Variants in RSPH14 observed in about 807,000 individuals in gnomAD.
RSPH14 encodes rhabdoid tumor deletion region gene 1.
In RSPH14, 20 loss-of-function variants were observed where a neutral mutation model predicts 26.7. The ratio of observed to expected loss-of-function variants is 0.75; its 90% CI spans 0.53 to 1.09. RSPH14 has a LOEUF of 1.09. Among genes scored for constraint, RSPH14 ranks in the 50% least tolerant of loss-of-function variants. RSPH14 has a pLI of 0.00. For synonymous variants in RSPH14, 177 were observed against 189.3 expected (o/e 0.93, Z 0.53); for missense variants, 449 against 457.2 (o/e 0.98, Z 0.16).
chr22:23,081,852 G>A lies in RSPH14; in HGVS notation c.422-17719C>T, dbSNP rs183316261. On this transcript the variant is annotated intron_variant, in intron 4 of 6. Transcript: ENST00000216036. ...AAAAAAAAAAAAAAAAAGGCCAGGCGCAGTGGCTCACGCCTGTAATCCCAG... is the reference window on the plus strand; with the variant it reads ...AAAAAAAAAAAAAAAAAGGCCAGGCACAGTGGCTCACGCCTGTAATCCCAG... Among the ~76,000 whole-genome samples the A allele has an allele frequency of 2.3e-3, 329 of 141,788 alleles. 6 individuals are homozygous for A. Among genetic ancestry groups the A allele is most frequent in the Admixed American group, 7.3e-3 (102 of 14,034 alleles). The allele number at this position is 141,788 out of a possible 152,430, so 93.0% of individuals were successfully genotyped here. A position where few individuals can be genotyped will look rare whatever the true frequency, so the allele number is the denominator to read the frequency against.
At chr22:23,088,328 C>T (rs2068871592) in intron 4 of RSPH14, among the ~76,000 whole-genome samples, 1 of 152,228 alleles carries the variant, frequency 6.6e-6, no homozygotes, top group Non-Finnish European at 1.5e-5. Flanking sequence ...GCCTTACCCA[C>T]TCTGCCCCAC....
At chr22:23,165,112 G>A in the RSPH14 span, among the ~76,000 whole-genome samples, 1 of 152,274 alleles carries the variant, frequency 6.6e-6, no homozygotes, top group Admixed American at 6.5e-5. Flanking sequence ...GGAACCCCAA[G>A]AGCCAGGACA....
At chr22:23,159,324 A>T in the RSPH14 span, 1 of 1,399,596 alleles carries the variant, frequency 7.1e-7, no homozygotes, top group Non-Finnish European at 9.7e-7. Flanking sequence ...GGGGCCTGCC[A>T]TGCAGTGTTT....
intron 4 of RSPH14, chr22:23,096,460 C>G: frequency 1.3e-6 from 2 of 1,558,766 alleles, no homozygotes; most frequent in Non-Finnish European, 1.7e-6. Context: ...TTCCTGCTGT[C>G]GTGGGTTCCT....
intron 4 of RSPH14, among the ~76,000 whole-genome samples, chr22:23,120,553 G>A (rs2069987466): frequency 6.6e-6 from 1 of 152,106 alleles, no homozygotes; most frequent in Non-Finnish European, 1.5e-5. Flanking sequence ...GCCTGCCCAG[G>A]AGGTGATGGG....
intron 4 of RSPH14, among the ~76,000 whole-genome samples, chr22:23,107,127 T>A (rs1211231195): frequency 6.6e-6 from 1 of 152,178 alleles, no homozygotes; most frequent in Non-Finnish European, 1.5e-5. Flanking sequence ...GCCCTTGCTG[T>A]TTGAGGTGCC....
At chr22:23,143,685 A>G (rs572576037), upstream of RSPH14, among the ~76,000 whole-genome samples, 1 of 152,338 alleles carries the variant, frequency 6.6e-6, no homozygotes, top group African/African-American at 2.4e-5. Flanking sequence ...TCACTCTGGT[A>G]AAGATCCCCA....
chr22:23,067,874 C>A (rs1198646974), intron 4 of RSPH14, among the ~76,000 whole-genome samples: 1 of 152,210 alleles, frequency 6.6e-6, no homozygotes, highest in Non-Finnish European at 1.5e-5. Context: ...GCCTCACAGA[C>A]TGACTTCTGT....
At chr22:23,116,657 G>C (rs778531004) in intron 4 of RSPH14, among the ~76,000 whole-genome samples, 2 of 152,204 alleles carry the variant, frequency 1.3e-5, no homozygotes, top group Admixed American at 6.5e-5. Flanking sequence ...AGGGTGTAAT[G>C]GACTGGAGGT....
chr22:23,159,710 G>A, the RSPH14 span, among the ~76,000 whole-genome samples: 2 of 152,160 alleles, frequency 1.3e-5, no homozygotes, highest in Non-Finnish European at 2.9e-5. Context: ...CCAGGCATGT[G>A]ACATCACCTG....
At chr22:23,066,476 G>A (rs977833998) in intron 4 of RSPH14, among the ~76,000 whole-genome samples, 1 of 152,184 alleles carries the variant, frequency 6.6e-6, no homozygotes, top group African/African-American at 2.4e-5. Context: ...TTGTTTCTCA[G>A]GCATTTGTCT....
the RSPH14 span, among the ~76,000 whole-genome samples, chr22:23,170,093 T>TA: frequency 0.4 from 54,456 of 136,732 alleles, 10,750 homozygotes; most frequent in East Asian, 0.61. Flanking sequence ...CAAGACCCTT[T>TA]AAAAAAAAAA....
chr22:23,157,887 G>GT, the RSPH14 span: 10 of 1,580,086 alleles, frequency 6.3e-6, no homozygotes, highest in Non-Finnish European at 8.6e-6. Context: ...GTGCCTGGTT[G>GT]GGGGGCTGCC....
chr22:23,158,963 C>T, the RSPH14 span: 50 of 1,614,060 alleles, frequency 3.1e-5, no homozygotes, highest in Non-Finnish European at 4.0e-5. Flanking sequence ...CTCGTGGGAA[C>T]CAAGAAGGAC....
chr22:23,123,851 G>A (rs1344331689), intron 4 of RSPH14: 1 of 224,272 alleles, frequency 4.5e-6, no homozygotes, highest in Non-Finnish European at 8.9e-6. Context: ...GTCGCCTGGA[G>A]GAGGGCCAGC....
At chr22:23,107,092 G>A (rs1446352121) in intron 4 of RSPH14, among the ~76,000 whole-genome samples, 6 of 152,238 alleles carry the variant, frequency 3.9e-5, no homozygotes, top group Admixed American at 6.5e-5. Flanking sequence ...GGGCTTTAGC[G>A]GCAGCCTGTT....
At chr22:23,086,486 T>C (rs2068824078) in intron 4 of RSPH14, among the ~76,000 whole-genome samples, 1 of 152,184 alleles carries the variant, frequency 6.6e-6, no homozygotes, top group Non-Finnish European at 1.5e-5. Flanking sequence ...TGGACCTAGG[T>C]TCCCTGGGCA....
At chr22:23,159,083 G>A in the RSPH14 span, 1 of 1,585,500 alleles carries the variant, frequency 6.3e-7, no homozygotes, top group East Asian at 2.3e-5. Context: ...AGCACAGTGG[G>A]AAGCAGGCAG....
upstream of RSPH14, among the ~76,000 whole-genome samples, chr22:23,149,471 A>G (rs1286797690): frequency 3.3e-5 from 5 of 152,172 alleles, no homozygotes. Context: ...GACAGCAGAA[A>G]GCGCCTCCTA....
Sources: allele counts gnomAD v4.1 joint callset (sites outside exome capture counted in the v4.1 genomes callset), GRCh38; gene constraint gnomAD v4.1.1; transcripts MANE v1.5; gene names NCBI Gene and HGNC (gene_info 2026-07-23, HGNC 2026-07-21).